Variants in MIPOL1 observed in about 807,000 individuals in gnomAD.
MIPOL1 encodes mirror-image polydactyly gene 1 protein.
Under a neutral mutation model 60.9 loss-of-function variants are expected in MIPOL1, and 57 were observed. That is an observed-to-expected ratio of 0.94 (90% CI 0.76 to 1.17). The LOEUF (loss-of-function observed/expected upper bound fraction) is 1.17. MIPOL1 is among the 50% of genes most tolerant of loss of function. The probability of loss-of-function intolerance (pLI) is 0.00; values close to 1 mark genes in which losing one functional copy is unlikely to be tolerated. For synonymous variants in MIPOL1, 179 were observed against 168.8 expected (o/e 1.06, Z -0.47); for missense variants, 551 against 511.6 (o/e 1.08, Z -0.74).
At chr14:37,509,915 C>G (rs959214093) in intron 12 of MIPOL1, among the ~76,000 whole-genome samples, 20 of 151,384 alleles carry the variant, frequency 1.3e-4, no homozygotes, top group Admixed American at 5.3e-4. Context: ...TTCCTCTTCC[C>G]AGCACCCACA....
intron 1 of MIPOL1, among the ~76,000 whole-genome samples, chr14:37,223,086 G>A (rs1969090221): frequency 6.6e-6 from 1 of 152,162 alleles, no homozygotes. Flanking sequence ...AGGCTGGAGT[G>A]CAGTAATGTG....
intron 1 of MIPOL1, among the ~76,000 whole-genome samples, chr14:37,231,571 A>G (rs933938978): frequency 3.3e-5 from 5 of 152,146 alleles, no homozygotes; most frequent in African/African-American, 9.7e-5. Context: ...TGATTTCTCT[A>G]CTTAAAAAGT....
intron 9 of MIPOL1, among the ~76,000 whole-genome samples, chr14:37,351,479 G>A (rs1342119029): frequency 2.6e-5 from 4 of 151,824 alleles, no homozygotes; most frequent in Non-Finnish European, 2.9e-5. Flanking sequence ...CTGAGGAATC[G>A]CCACACTTAC....
In MIPOL1 at chr14:37,442,124, G is replaced by A. The variant is rs544162096; in HGVS notation, c.1031+19175G>A. 2.0e-5 allele frequency among the ~76,000 whole-genome samples: 3 copies of A among 148,934 alleles called. No homozygotes were observed. The East Asian group carries it at 5.9e-4, about 29-fold the overall frequency. Reference sequence around the variant, plus strand: ...TGTGTGTGTGTGTGTGTGTGTGTGTGTGTGTGTCTATTGTAAATGGAATTG... The same window carrying A: ...TGTGTGTGTGTGTGTGTGTGTGTGTATGTGTGTCTATTGTAAATGGAATTG... On this transcript the variant is annotated intron_variant, in intron 11 of 12. Coordinates refer to ENST00000684589, the MANE Select transcript of MIPOL1 (RefSeq NM_001388067.1).
chr14:37,293,018 A>G (rs892886978), intron 7 of MIPOL1, among the ~76,000 whole-genome samples: 1 of 152,086 alleles, frequency 6.6e-6, no homozygotes, highest in African/African-American at 2.4e-5. Flanking sequence ...TACGTATCCT[A>G]ATTTCATGGG....
Position 37,547,150 on chromosome 14 carries a change from C to T in MIPOL1, c.*179C>T. On this transcript the variant is annotated 3_prime_UTR_variant, in exon 13 of 13. Coordinates refer to ENST00000684589, the MANE Select transcript of MIPOL1 (RefSeq NM_001388067.1). ...AAATGTTTAACCACTTTGCTGCTGA[C>T]TTGAGTTATTTATCCAAATATATTA... 1.8e-6 allele frequency: 1 copy of T among 566,156 alleles called. No homozygotes were observed. Among genetic ancestry groups the T allele is most frequent in the Non-Finnish European group, 3.1e-6 (1 of 317,902 alleles). The allele number at this position is 566,156 out of a possible 1,614,324, so 35.1% of individuals were successfully genotyped here.
At chr14:37,285,218 T>C (rs1484398217) in intron 6 of MIPOL1, 100 bp from the exon 7 acceptor site, 1 of 1,226,114 alleles carries the variant, frequency 8.2e-7, no homozygotes, top group Non-Finnish European at 1.2e-6. Flanking sequence ...TATTGAGTAG[T>C]CCTTACAGTA....
At chr14:37,268,893 T>C in intron 5 of MIPOL1, 100 bp downstream of exon 5, 1 of 972,068 alleles carries the variant, frequency 1.0e-6, no homozygotes, top group Admixed American at 3.0e-5. Flanking sequence ...ATTTTGCACT[T>C]TAATCATTTA....
intron 3 of MIPOL1, among the ~76,000 whole-genome samples, chr14:37,262,326 TG>T (rs929804733): frequency 6.6e-6 from 1 of 152,066 alleles, no homozygotes; most frequent in Non-Finnish European, 1.5e-5. Context: ...AAAAAGTTTT[TG>T]CCCATTGAAA....
chr14:37,322,444 A>G (rs1288193377), intron 9 of MIPOL1, among the ~76,000 whole-genome samples: 1 of 151,992 alleles, frequency 6.6e-6, no homozygotes, highest in Non-Finnish European at 1.5e-5. Flanking sequence ...ATCACAATAT[A>G]TCTAAGATGA....
At position 37,497,367 on chromosome 14, in the gene MIPOL1, A is replaced by G. The variant is rs201395650; in HGVS notation, c.1032-2541A>G. On this transcript the variant is annotated intron_variant, in intron 11 of 12. Transcript: ENST00000684589. ...TTACTGCTTTAGGCATGATAGGCAA[A>G]TGCTGAATTCCCAAACGAAGCTGTC... Among the ~76,000 whole-genome samples, 4 of 152,224 alleles carry G rather than the reference A, an allele frequency of 2.6e-5. No individual in the cohort carries two copies. In the East Asian group the frequency reaches 5.8e-4, roughly 22 times the overall value.
At chr14:37,354,188 T>C (rs1430894715) in intron 9 of MIPOL1, among the ~76,000 whole-genome samples, 16 of 151,960 alleles carry the variant, frequency 1.1e-4, no homozygotes, top group Non-Finnish European at 1.2e-4. Context: ...CAGGAGCAGG[T>C]TGTTCAGTTT....
At chr14:37,388,303 C>T (rs1210563054) in intron 10 of MIPOL1, among the ~76,000 whole-genome samples, 3 of 151,870 alleles carry the variant, frequency 2.0e-5, no homozygotes, top group Admixed American at 6.6e-5. Context: ...TGCATTAATA[C>T]ATTTGCTTGC....
intron 1 of MIPOL1, among the ~76,000 whole-genome samples, chr14:37,239,842 A>G (rs76320026): frequency 0.034 from 5,226 of 152,302 alleles, 231 homozygotes; most frequent in East Asian, 0.24. Flanking sequence ...AATTGGAACT[A>G]TAAGTCTAAT....
intron 12 of MIPOL1, among the ~76,000 whole-genome samples, chr14:37,530,903 C>T (rs1436185761): frequency 1.3e-5 from 2 of 151,576 alleles, no homozygotes; most frequent in African/African-American, 4.8e-5. Context: ...CTGCAACCTC[C>T]GCCTCCCGAG....
chr14:37,504,966 T>C (rs1358849478), intron 12 of MIPOL1: 1 of 152,122 alleles, frequency 6.6e-6, no homozygotes, highest in Non-Finnish European at 1.5e-5. Context: ...CAGATAATAC[T>C]ATAAACACCT....
chr14:37,484,389 GTGCAGTGGTGTAATC>G (rs1005920060), intron 11 of MIPOL1, among the ~76,000 whole-genome samples: 2 of 143,564 alleles, frequency 1.4e-5, no homozygotes, highest in African/African-American at 5.2e-5. Context: ...CCAGGCTGGA[GTGCAGTGGTGTAATC>G]TTGGCTTACT....
chr14:37,388,775 C>G (rs1237058576), intron 10 of MIPOL1, among the ~76,000 whole-genome samples: 1 of 152,042 alleles, frequency 6.6e-6, no homozygotes, highest in East Asian at 1.9e-4. Flanking sequence ...CTTCTTTCAA[C>G]ATGATGATTT....
At chr14:37,424,350 T>G (rs2093924986) in intron 11 of MIPOL1, among the ~76,000 whole-genome samples, 1 of 152,112 alleles carries the variant, frequency 6.6e-6, no homozygotes, top group Non-Finnish European at 1.5e-5. Context: ...GGGGAAATTA[T>G]GGACACAGAG....
Sources: gnomAD v4.1 joint callset for allele counts (sites outside exome capture counted in the v4.1 genomes callset) on GRCh38, gnomAD v4.1.1 for gene constraint, MANE v1.5 for transcripts, NCBI Gene and HGNC (gene_info 2026-07-23, HGNC 2026-07-21) for gene names.